The following NAV2 variants were observed in gnomAD, a reference collection of about 807,000 sequenced individuals.
NAV2 encodes neuron navigator 2.
A neutral mutation model predicts 223.2 loss-of-function variants in NAV2; 54 were observed. The observed-to-expected ratio is 0.24, with a 90% CI of 0.19 to 0.30. The LOEUF (loss-of-function observed/expected upper bound fraction) is 0.30, where lower values mean the gene tolerates loss of function less well. NAV2 is among the 10% of genes least tolerant of loss of function. NAV2 has a pLI of 1.00. For synonymous variants in NAV2, 1,279 were observed against 1,239.3 expected, an observed-to-expected ratio of 1.03 and a Z score of -0.67; for missense variants, 2,806 against 3,147.5, an observed-to-expected ratio of 0.89 and a Z score of 2.60.
intron 8 of NAV2, among the ~76,000 whole-genome samples, chr11:19,945,033 CTTTTTCTTTT>C (rs1485541673): frequency 7.2e-6 from 1 of 139,614 alleles, no homozygotes; most frequent in Non-Finnish European, 1.5e-5. Flanking sequence ...TTTCTTCTTT[CTTTTTCTTTT>C]TCCTTTCCTT....
chr11:20,049,190 A>AAAGG lies in NAV2; in HGVS notation c.4365_4366insAAGG (p.Glu1456LysfsTer11). 6.3e-7 allele frequency: 1 copy of AAAGG among 1,588,638 alleles called. No individual in the cohort carries two copies. The highest frequency in any genetic ancestry group is 8.6e-7 in the Non-Finnish European group (1 of 1,165,522). ...CTAACAGTGTGAAGACCACACTGTC[A>AAAGG]GAAAGGTTGGTGCTGTGCCTCTGGC... On this transcript the variant is annotated frameshift_variant, in exon 15 of 38. Transcript: ENST00000349880. LOFTEE classifies it high-confidence loss of function.
At chr11:19,841,135 TG>T (rs1342088236) in intron 2 of NAV2, among the ~76,000 whole-genome samples, 1 of 152,186 alleles carries the variant, frequency 6.6e-6, no homozygotes, top group Admixed American at 6.5e-5. Flanking sequence ...CTCTGAAGAT[TG>T]GGATTTTCCC....
rs1474654973 is a variant in NAV2 at position 19,948,831 on chromosome 11, C to T, written c.2396C>T (p.Ser799Leu). ...SPRLQAGDAP[S>L]MGNGYPPRAN... is the part of the protein sequence containing the mutation. ...CGGCTCCAAGCAGGAGACGCCCCCT[C>T]AATGGGCAATGGGTATCCCCCTCGA... Residue 799 changes from serine to leucine, a missense_variant, in exon 10 of 38, where the codon TCA (serine) becomes TTA (leucine). Around this residue, in one of 4 missense-constraint regions of NAV2, gnomAD observed 1,167 missense variants for 1,180.5 expected, o/e 0.99. Coordinates refer to ENST00000349880, the MANE Select transcript of NAV2 (RefSeq NM_145117.5). 1.2e-6 allele frequency: 2 copies of T among 1,614,058 alleles called. No individual in the cohort carries two copies. Among genetic ancestry groups the T allele is most frequent in the Non-Finnish European group, 1.7e-6 (2 of 1,180,024 alleles).
chr11:19,510,700 C>T (rs990178564), intron 1 of NAV2, among the ~76,000 whole-genome samples: 5 of 152,182 alleles, frequency 3.3e-5, no homozygotes, highest in African/African-American at 7.2e-5. Context: ...CAGCACTTTT[C>T]GGGCAACAGG....
At chr11:19,558,117 T>G (rs1286556218) in intron 1 of NAV2, among the ~76,000 whole-genome samples, 1 of 152,256 alleles carries the variant, frequency 6.6e-6, no homozygotes, top group Non-Finnish European at 1.5e-5. Flanking sequence ...GATAACTTAC[T>G]TAAGTTTTCT....
intron 1 of NAV2, among the ~76,000 whole-genome samples, chr11:19,462,127 T>C (rs76771107): frequency 0.027 from 4,054 of 152,314 alleles, 175 homozygotes; most frequent in African/African-American, 0.092. Flanking sequence ...AATTTCTTAA[T>C]ATGAGTTGTG....
chr11:19,389,788 G>A (rs1291162289), intron 1 of NAV2, among the ~76,000 whole-genome samples: 1 of 152,140 alleles, frequency 6.6e-6, no homozygotes, highest in Non-Finnish European at 1.5e-5. Context: ...CCTGTGGCTG[G>A]CCTAGGCCTC....
At chr11:19,786,116 G>A (rs556651633) in intron 1 of NAV2, among the ~76,000 whole-genome samples, 2 of 152,330 alleles carry the variant, frequency 1.3e-5, no homozygotes, top group South Asian at 4.1e-4. Context: ...TCCCAGAAGT[G>A]TTTTAGATTC....
intron 1 of NAV2, among the ~76,000 whole-genome samples, chr11:19,365,925 C>T (rs1848261990): frequency 6.6e-6 from 1 of 152,218 alleles, no homozygotes; most frequent in Admixed American, 6.5e-5. Context: ...TCTTTGTCAA[C>T]TCGCTGAATG....
At chr11:20,011,339 G>A (rs1442611834) in intron 11 of NAV2, among the ~76,000 whole-genome samples, 1 of 152,196 alleles carries the variant, frequency 6.6e-6, no homozygotes. Flanking sequence ...AAAGAAAAAG[G>A]TTGTAATGTT....
At chr11:19,742,551 G>C (rs945476542) in intron 1 of NAV2, among the ~76,000 whole-genome samples, 1 of 152,176 alleles carries the variant, frequency 6.6e-6, no homozygotes, top group Admixed American at 6.5e-5. Context: ...CTCCAGGTAA[G>C]AGCTGGTGGC....
intron 1 of NAV2, among the ~76,000 whole-genome samples, chr11:19,762,244 A>G (rs2054814750): frequency 6.6e-6 from 1 of 152,138 alleles, no homozygotes; most frequent in African/African-American, 2.4e-5. Flanking sequence ...TTCCATCTCA[A>G]AACAAACAAA....
chr11:19,958,853 C>T (rs548876769), intron 10 of NAV2, among the ~76,000 whole-genome samples: 6 of 152,260 alleles, frequency 3.9e-5, no homozygotes, highest in Admixed American at 3.9e-4. Flanking sequence ...GTTGCAGATT[C>T]AAGATGGAGG....
At chr11:19,547,467 T>G (rs1357214583) in intron 1 of NAV2, among the ~76,000 whole-genome samples, 2 of 152,206 alleles carry the variant, frequency 1.3e-5, no homozygotes, top group Non-Finnish European at 2.9e-5. Context: ...TTTCTTCCCT[T>G]TCCCACCACT....
chr11:19,835,789 A>G (rs1331603890), intron 2 of NAV2, among the ~76,000 whole-genome samples: 1 of 151,250 alleles, frequency 6.6e-6, no homozygotes, highest in Non-Finnish European at 1.5e-5. Context: ...AATTTTATAT[A>G]TATCTACATA....
rs547536081 is a variant in NAV2 at position 19,941,614 on chromosome 11, T to G, written c.2146+1841T>G. Among the ~76,000 whole-genome samples, 6 of 152,126 alleles carry G rather than the reference T, an allele frequency of 3.9e-5. No individual in the cohort carries two copies. In the South Asian group the frequency reaches 1.2e-3, roughly 32 times the overall value. On this transcript the variant is annotated intron_variant, in intron 8 of 37. Transcript: ENST00000349880. ...TGGGTTTTCCTATGGTGTGTGGTCA[T>G]GTACAGAGCCTTACAGTTGAGAAAT...
At chr11:19,911,489 G>T (rs2043311852) in intron 6 of NAV2, among the ~76,000 whole-genome samples, 1 of 152,166 alleles carries the variant, frequency 6.6e-6, no homozygotes, top group Non-Finnish European at 1.5e-5. Context: ...ATTCTACCCA[G>T]CAAATTGGTG....
chr11:19,954,936 TATATATAC>T (rs1332657160), intron 10 of NAV2, among the ~76,000 whole-genome samples: 1 of 140,900 alleles, frequency 7.1e-6, no homozygotes, highest in African/African-American at 2.7e-5. Flanking sequence ...TATATACATA[TATATATAC>T]ATATATACAT....
rs769335443 is a variant in NAV2 at position 20,118,154 on chromosome 11, C to T, written c.7186C>T (p.Gln2396Ter). ...DPLMNMLMRL[Q>*]EAANYSSPQS... is the part of the protein sequence containing the mutation. The stretch of plus-strand genomic sequence containing the variant: ...CTAGATGAACATGCTGATGAGGCTG[C>T]AGGAGGCAGCCAACTACTCCAGCCC... The change falls in exon 38 of 38, where the codon CAG (glutamine) becomes TAG (stop). Residue 2396 changes from glutamine (Q) to a stop codon, truncating the protein, a stop_gained. Coordinates refer to ENST00000349880, the MANE Select transcript of NAV2 (RefSeq NM_145117.5). LOFTEE classifies it high-confidence loss of function. The T allele has an allele frequency of 1.9e-6, 3 of 1,613,692 alleles. No homozygotes were observed. Among genetic ancestry groups the T allele is most frequent in the Non-Finnish European group, 2.5e-6 (3 of 1,179,764 alleles).
Sources: gnomAD v4.1 joint callset for allele counts (sites outside exome capture counted in the v4.1 genomes callset) on GRCh38, gnomAD v4.1.1 for gene constraint, gnomAD v4.1.1 regional missense constraint, MANE v1.5 for transcripts, NCBI Gene and HGNC (gene_info 2026-07-23, HGNC 2026-07-21) for gene names.